Variants in ARRB1 observed in about 807,000 individuals in gnomAD.
The protein encoded by ARRB1 is arrestin beta 1.
Under a neutral mutation model 56.8 loss-of-function variants are expected in ARRB1, and 21 were observed. The ratio of observed to expected loss-of-function variants is 0.37; its 90% CI spans 0.26 to 0.53. The LOEUF (loss-of-function observed/expected upper bound fraction) is 0.53. Ranked by LOEUF, ARRB1 falls within the 20% of genes least tolerant of loss-of-function variation. ARRB1 has a pLI of 0.88. For synonymous variants in ARRB1, 210 were observed against 218.6 expected, an observed-to-expected ratio of 0.96 and a Z score of 0.35; for missense variants, 424 against 553.7, an observed-to-expected ratio of 0.77 and a Z score of 2.35.
chr11:75,317,508 T>A (rs1947283610), intron 1 of ARRB1, among the ~76,000 whole-genome samples: 1 of 152,184 alleles, frequency 6.6e-6, no homozygotes, highest in Non-Finnish European at 1.5e-5. Context: ...TTTAGTGAGC[T>A]GCAACTAGGT....
At chr11:75,277,676 A>G (rs570447167) in intron 8 of ARRB1, among the ~76,000 whole-genome samples, 1 of 152,228 alleles carries the variant, frequency 6.6e-6, no homozygotes, top group African/African-American at 2.4e-5. Context: ...AGGCATTGTG[A>G]CATTTGCCCC....
intron 1 of ARRB1, chr11:75,312,193 C>G (rs894505852): frequency 8.0e-7 from 1 of 1,255,090 alleles, no homozygotes; most frequent in Non-Finnish European, 1.0e-6. Flanking sequence ...TCAGCCTTTC[C>G]CAGCAGCCGT....
intron 1 of ARRB1, among the ~76,000 whole-genome samples, chr11:75,338,441 G>C (rs927207324): frequency 2.0e-5 from 3 of 152,220 alleles, no homozygotes; most frequent in Non-Finnish European, 4.4e-5. Flanking sequence ...CTGCCCACAG[G>C]AAGGCATGGT....
intron 1 of ARRB1, among the ~76,000 whole-genome samples, chr11:75,307,101 G>A (rs1012547224): frequency 8.5e-5 from 13 of 152,148 alleles, no homozygotes; most frequent in Non-Finnish European, 1.6e-4. Flanking sequence ...TTGCTGCAGA[G>A]GGCCTTCTTG....
intron 1 of ARRB1, among the ~76,000 whole-genome samples, chr11:75,349,879 C>T (rs1460613561): frequency 6.6e-6 from 1 of 152,258 alleles, no homozygotes; most frequent in East Asian, 1.9e-4. Context: ...GGCTCCCCTC[C>T]CTGGCCCATG....
At chr11:75,281,915 C>T (rs1314633662) in intron 6 of ARRB1, 47 bp downstream of exon 6, 5 of 1,591,764 alleles carry the variant, frequency 3.1e-6, no homozygotes, top group East Asian at 2.2e-5. Flanking sequence ...GACCTGGGGA[C>T]ATGAGACTCC....
At chr11:75,329,971 G>A (rs148896415) in intron 1 of ARRB1, among the ~76,000 whole-genome samples, 7 of 151,880 alleles carry the variant, frequency 4.6e-5, no homozygotes, top group African/African-American at 1.7e-4. Context: ...CTGCACTCTA[G>A]CCTGAATGAC....
At chr11:75,286,255 C>CTTTTTTTTTTTTTTTTTTTTTTTT (rs60988072) in intron 3 of ARRB1, among the ~76,000 whole-genome samples, 1 of 38,678 alleles carries the variant, frequency 2.6e-5, no homozygotes, top group African/African-American at 1.1e-4. Context: ...ATTTGCTCAT[C>CTTTTTTTTTTTTTTTTTTTTTTTT]TTTTTTTTTT....
chr11:75,315,088 G>A (rs1947243055), intron 1 of ARRB1, among the ~76,000 whole-genome samples: 2 of 152,146 alleles, frequency 1.3e-5, no homozygotes, highest in East Asian at 1.9e-4. Flanking sequence ...TGCGGGATGG[G>A]GGAGATCACC....
chr11:75,347,073 A>G (rs1947780695), intron 1 of ARRB1, among the ~76,000 whole-genome samples: 1 of 152,244 alleles, frequency 6.6e-6, no homozygotes, highest in African/African-American at 2.4e-5. Flanking sequence ...ACCAACCCAA[A>G]GTGTCAGAAG....
chr11:75,288,039 T>A (rs1292148296), intron 2 of ARRB1, among the ~76,000 whole-genome samples: 1 of 152,000 alleles, frequency 6.6e-6, no homozygotes, highest in Non-Finnish European at 1.5e-5. Flanking sequence ...ATTTTTGCAT[T>A]TATAGTAGAG....
intron 7 of ARRB1, among the ~76,000 whole-genome samples, chr11:75,279,707 G>A (rs957029125): frequency 1.3e-5 from 2 of 152,072 alleles, no homozygotes; most frequent in South Asian, 2.1e-4. Flanking sequence ...TCACTCTGTT[G>A]CCCAGGCTGG....
intron 4 of ARRB1, 128 bp downstream of exon 4, chr11:75,284,107 C>T: frequency 1.1e-6 from 1 of 951,250 alleles, no homozygotes. Context: ...GAGGCAACGG[C>T]ATCTGTAGAG....
chr11:75,274,791 C>CA (rs1158322521), intron 10 of ARRB1: 1,295 of 60,828 alleles, frequency 0.021, 9 homozygotes, highest in African/African-American at 0.029. Context: ...GACTCCATCT[C>CA]AAAAAAAAAA....
chr11:75,325,616 C>T (rs1396423368), intron 1 of ARRB1, among the ~76,000 whole-genome samples: 1 of 152,222 alleles, frequency 6.6e-6, no homozygotes, highest in Non-Finnish European at 1.5e-5. Flanking sequence ...AGCCACCATG[C>T]CTGGCCCAGT....
intron 1 of ARRB1, among the ~76,000 whole-genome samples, chr11:75,299,214 A>G (rs1484873371): frequency 1.3e-5 from 2 of 151,408 alleles, no homozygotes; most frequent in African/African-American, 2.4e-5. Context: ...AAGTGTGAAT[A>G]TTATGGTATA....
At chr11:75,301,534 G>A (rs952787314) in intron 1 of ARRB1, among the ~76,000 whole-genome samples, 2 of 152,150 alleles carry the variant, frequency 1.3e-5, no homozygotes, top group African/African-American at 4.8e-5. Flanking sequence ...CCATATTTTG[G>A]ACCCAGAGAT....
At chr11:75,329,855 A>C (rs1347632863) in intron 1 of ARRB1, among the ~76,000 whole-genome samples, 2 of 152,132 alleles carry the variant, frequency 1.3e-5, no homozygotes, top group African/African-American at 4.8e-5. Context: ...CTACCCAGGC[A>C]TGGTAGCACA....
intron 12 of ARRB1, 131 bp from the exon 13 acceptor site, chr11:75,271,855 AC>A: frequency 1.1e-5 from 10 of 910,730 alleles, no homozygotes; most frequent in African/African-American, 3.5e-5. Context: ...ACTCCCACCC[AC>A]CCCCCTGCAC....
Sources: gnomAD v4.1 joint callset for allele counts (sites outside exome capture counted in the v4.1 genomes callset) on GRCh38, gnomAD v4.1.1 for gene constraint, MANE v1.5 for transcripts, NCBI Gene and HGNC (gene_info 2026-07-23, HGNC 2026-07-21) for gene names.